Variants in DOCK1 observed in about 807,000 individuals in gnomAD.
DOCK1 encodes the protein dedicator of cytokinesis protein 1.
DOCK1 carries 138 observed loss-of-function variants against 262.7 expected under a neutral mutation model. The ratio of observed to expected loss-of-function variants is 0.53; its 90% CI spans 0.46 to 0.61. The LOEUF is 0.61. Ranked by LOEUF, DOCK1 falls within the 20% of genes least tolerant of loss-of-function variation. The pLI is 0.00. For missense variants in DOCK1, 1,908 were observed against 2,370.7 expected, an observed-to-expected ratio of 0.80 and a Z score of 4.05; for synonymous variants, 866 against 867.4, an observed-to-expected ratio of 1.00 and a Z score of 0.03.
intron 11 of DOCK1, among the ~76,000 whole-genome samples, chr10:127,010,132 T>C (rs867206439): frequency 1.3e-5 from 2 of 152,222 alleles, no homozygotes; most frequent in South Asian, 4.1e-4. Flanking sequence ...TTTACTCTCC[T>C]GTCCAATATG....
chr10:126,965,659 G>A (rs2037617224), intron 1 of DOCK1, among the ~76,000 whole-genome samples: 1 of 152,014 alleles, frequency 6.6e-6, no homozygotes, highest in Non-Finnish European at 1.5e-5. Context: ...TGGGCTGATG[G>A]GCTTACTATG....
In DOCK1 at chr10:127,203,739, G is replaced by T. The variant is rs115864465; in HGVS notation, c.2848-44269G>T. Among the ~76,000 whole-genome samples, 799 of 151,136 alleles carry T rather than the reference G, an allele frequency of 5.3e-3. 3 individuals are homozygous for T. Among genetic ancestry groups the T allele is most frequent in the African/African-American group, 0.019 (771 of 41,124 alleles). On this transcript the variant is annotated intron_variant, in intron 27 of 51. Coordinates refer to ENST00000623213, the MANE Select transcript of DOCK1 (RefSeq NM_001290223.2). The stretch of plus-strand genomic sequence containing the variant: ...ACGGTAGGGCTGCGGATCTCCCCGT[G>T]TCCAATTCACCTAATTTGTGTTTTG...
At chr10:126,946,999 C>A (rs1011425446) in intron 1 of DOCK1, among the ~76,000 whole-genome samples, 2 of 152,240 alleles carry the variant, frequency 1.3e-5, no homozygotes, top group South Asian at 2.1e-4. Context: ...CCTGTCCCCC[C>A]ATCCCTGGCC....
At chr10:127,419,884 G>A (rs1192308217) in intron 46 of DOCK1, 135 bp downstream of exon 46, 9 of 918,144 alleles carry the variant, frequency 9.8e-6, no homozygotes, top group South Asian at 4.8e-5. Flanking sequence ...TTGTCCCTGG[G>A]TGAACCCACC....
intron 27 of DOCK1, among the ~76,000 whole-genome samples, chr10:127,141,153 C>T (rs542345389): frequency 1.3e-4 from 20 of 152,332 alleles, no homozygotes; most frequent in African/African-American, 4.8e-4. Context: ...ACATAACCTC[C>T]TTGTTGTCTG....
intron 27 of DOCK1, among the ~76,000 whole-genome samples, chr10:127,189,219 T>C (rs1452575494): frequency 6.6e-6 from 1 of 152,258 alleles, no homozygotes; most frequent in Non-Finnish European, 1.5e-5. Context: ...ACTTTAAAGC[T>C]GCATTTGCTA....
chr10:127,396,920 ACGGGCAGCGAC>A, intron 38 of DOCK1, among the ~76,000 whole-genome samples: 1 of 151,942 alleles, frequency 6.6e-6, no homozygotes, highest in South Asian at 2.1e-4. Flanking sequence ...CATGAGTTAC[ACGGGCAGCGAC>A]TCCTATGTGA....
intron 29 of DOCK1, among the ~76,000 whole-genome samples, chr10:127,310,591 A>C (rs1400422895): frequency 6.6e-6 from 1 of 152,238 alleles, no homozygotes; most frequent in Non-Finnish European, 1.5e-5. Flanking sequence ...AGTATGTAGA[A>C]ACTGTTCTCG....
chr10:127,354,475 T>C (rs2133870347), intron 31 of DOCK1, among the ~76,000 whole-genome samples, 194 bp from the exon 32 acceptor site: 1 of 152,350 alleles, frequency 6.6e-6, no homozygotes, highest in East Asian at 1.9e-4. Context: ...CCCTCAGTGA[T>C]GAGAAAGTGA....
At chr10:127,233,662 G>A (rs116952087) in intron 27 of DOCK1, among the ~76,000 whole-genome samples, 3 of 152,272 alleles carry the variant, frequency 2.0e-5, no homozygotes, top group South Asian at 2.1e-4. Flanking sequence ...AGTTATATGC[G>A]GGCTTCTAGA....
chr10:127,066,003 C>T (rs758905161), intron 23 of DOCK1, among the ~76,000 whole-genome samples: 5 of 152,080 alleles, frequency 3.3e-5, no homozygotes, highest in Non-Finnish European at 5.9e-5. Context: ...GTTTCCTCAC[C>T]ATCTCAGATC....
chr10:127,351,490 G>T (rs1162870219), intron 31 of DOCK1, among the ~76,000 whole-genome samples: 1 of 152,172 alleles, frequency 6.6e-6, no homozygotes, highest in Non-Finnish European at 1.5e-5. Flanking sequence ...CCTGTCCTGG[G>T]GGTGCGTGCT....
chr10:127,214,654 G>A (rs1008575890), intron 27 of DOCK1, among the ~76,000 whole-genome samples: 2 of 152,136 alleles, frequency 1.3e-5, no homozygotes, highest in Admixed American at 6.5e-5. Flanking sequence ...TGCATTTAGC[G>A]ATCTCCAGGC....
chr10:127,064,304 C>T (rs2045721254), intron 23 of DOCK1, among the ~76,000 whole-genome samples: 1 of 152,122 alleles, frequency 6.6e-6, no homozygotes, highest in Non-Finnish European at 1.5e-5. Flanking sequence ...GAGAAAGGCT[C>T]CATCCCCTTC....
Position 127,137,782 on chromosome 10 carries a change from A to C in DOCK1, c.2847+10018A>C, listed in dbSNP as rs1024331300. On this transcript the variant is annotated intron_variant, in intron 27 of 51. Coordinates refer to ENST00000623213, the MANE Select transcript of DOCK1 (RefSeq NM_001290223.2). ...TCCTATTCATTTTGGAAAAGTATTG[A>C]CTTAAACTCCAGTGGGTTCTAAAGA... is the stretch of plus-strand genomic sequence containing the variant. The C allele has an allele frequency of 4.0e-6, 6 of 1,504,534 alleles. No individual in the cohort carries two copies. The African/African-American group carries it at 8.4e-5, about 21-fold the overall frequency. 93.2% of individuals were successfully genotyped at this position (1,504,534 alleles called of 1,614,324 possible). A position where few individuals can be genotyped will look rare whatever the true frequency, so the allele number is the denominator to read the frequency against.
At chr10:127,337,585 TG>T (rs2063256761) in intron 29 of DOCK1, among the ~76,000 whole-genome samples, 1 of 152,222 alleles carries the variant, frequency 6.6e-6, no homozygotes, top group Admixed American at 6.5e-5. Context: ...TGAGGAATGT[TG>T]CTGCCCAGCC....
intron 29 of DOCK1, among the ~76,000 whole-genome samples, chr10:127,315,849 C>T (rs1375962901): frequency 2.6e-5 from 4 of 152,098 alleles, no homozygotes; most frequent in African/African-American, 9.7e-5. Context: ...CAGGTGCCTG[C>T]CCCCATGCCG....
intron 37 of DOCK1, among the ~76,000 whole-genome samples, chr10:127,382,632 T>C (rs1305074394): frequency 1.3e-5 from 2 of 152,228 alleles, no homozygotes; most frequent in Non-Finnish European, 1.5e-5. Context: ...TGAATTCTGA[T>C]GGCCTTCATT....
At chr10:126,957,181 A>G (rs2036813829) in intron 1 of DOCK1, among the ~76,000 whole-genome samples, 1 of 152,220 alleles carries the variant, frequency 6.6e-6, no homozygotes, top group Non-Finnish European at 1.5e-5. Context: ...AAGCTAAATA[A>G]TGTAACAACG....
Sources: gnomAD v4.1 joint callset for allele counts (sites outside exome capture counted in the v4.1 genomes callset) on GRCh38, gnomAD v4.1.1 for gene constraint, MANE v1.5 for transcripts, NCBI Gene and HGNC (gene_info 2026-07-23, HGNC 2026-07-21) for gene names.